CNTNAP2: variants seen among roughly 807,000 people sequenced by gnomAD.
The protein encoded by CNTNAP2 is contactin associated protein 2.
A neutral mutation model predicts 155.2 loss-of-function variants in CNTNAP2; 98 were observed. That is an observed-to-expected ratio of 0.63 (90% CI 0.54 to 0.75). CNTNAP2 has a LOEUF of 0.75. Among genes scored for constraint, CNTNAP2 ranks in the 30% least tolerant of loss-of-function variants. CNTNAP2 has a pLI of 0.00. For missense variants in CNTNAP2, 1,727 were observed against 1,688.1 expected, an observed-to-expected ratio of 1.02 and a Z score of -0.40; for synonymous variants, 651 against 631.2, an observed-to-expected ratio of 1.03 and a Z score of -0.47.
intron 1 of CNTNAP2, among the ~76,000 whole-genome samples, chr7:146,533,107 CAAAAAAAAAAAAAA>C (rs553035616): frequency 2.1e-5 from 1 of 47,836 alleles, no homozygotes; most frequent in Non-Finnish European, 4.0e-5. Flanking sequence ...GACCCTGTCT[CAAAAAAAAAAAAAA>C]AAAAAAAAAA....
chr7:148,198,719 T>C (rs1025366280), intron 18 of CNTNAP2, among the ~76,000 whole-genome samples: 5 of 152,240 alleles, frequency 3.3e-5, no homozygotes, highest in Non-Finnish European at 2.9e-5. Context: ...TAAAGCTTCA[T>C]AGGATATTTG....
intron 1 of CNTNAP2, among the ~76,000 whole-genome samples, chr7:146,343,077 G>T (rs1158201500): frequency 1.3e-5 from 2 of 151,310 alleles, no homozygotes; most frequent in East Asian, 3.9e-4. Flanking sequence ...GGTAAAGAAG[G>T]TTGTTTTTTT....
At chr7:146,257,635 C>T (rs1799859707) in intron 1 of CNTNAP2, among the ~76,000 whole-genome samples, 1 of 152,066 alleles carries the variant, frequency 6.6e-6, no homozygotes, top group Non-Finnish European at 1.5e-5. Context: ...AAGCCCTGGC[C>T]CAATACTTTA....
At chr7:146,868,124 G>A (rs1795240652) in intron 3 of CNTNAP2, among the ~76,000 whole-genome samples, 1 of 152,052 alleles carries the variant, frequency 6.6e-6, no homozygotes, top group Non-Finnish European at 1.5e-5. Context: ...GCATTGCCTA[G>A]GTTGTTGTTT....
intron 3 of CNTNAP2, among the ~76,000 whole-genome samples, chr7:146,868,145 A>G (rs1317299661): frequency 1.3e-5 from 2 of 152,018 alleles, no homozygotes; most frequent in Non-Finnish European, 2.9e-5. Flanking sequence ...AGGTGTTTAT[A>G]GTTTTGGATT....
At chr7:147,680,012 A>G (rs896021726) in intron 13 of CNTNAP2, among the ~76,000 whole-genome samples, 6 of 151,442 alleles carry the variant, frequency 4.0e-5, no homozygotes, top group Non-Finnish European at 5.9e-5. Flanking sequence ...TCCAAATTTC[A>G]TCCATTCCTT....
At chr7:146,682,933 T>A (rs1259887134) in intron 1 of CNTNAP2, among the ~76,000 whole-genome samples, 1 of 152,250 alleles carries the variant, frequency 6.6e-6, no homozygotes, top group African/African-American at 2.4e-5. Flanking sequence ...TCAGTTATTA[T>A]GAATACATAC....
chr7:147,985,357 A>C (rs1291680341), intron 15 of CNTNAP2, among the ~76,000 whole-genome samples: 1 of 145,142 alleles, frequency 6.9e-6, no homozygotes, highest in Admixed American at 6.9e-5. Flanking sequence ...ATCAATATGT[A>C]TGCCTTTTCT....
chr7:146,632,625 A>G (rs117473393), intron 1 of CNTNAP2, among the ~76,000 whole-genome samples: 3,420 of 152,246 alleles, frequency 0.022, 47 homozygotes, highest in Middle Eastern at 0.041. Flanking sequence ...GTTCTTAACC[A>G]TAACGTAGAG....
At chr7:147,715,417 T>A (rs1032919285) in intron 13 of CNTNAP2, among the ~76,000 whole-genome samples, 1 of 152,118 alleles carries the variant, frequency 6.6e-6, no homozygotes, top group South Asian at 2.1e-4. Flanking sequence ...TCCATTTTAA[T>A]TTCTCTGATG....
chr7:147,046,963 T>C (rs1186827632), intron 4 of CNTNAP2, among the ~76,000 whole-genome samples: 11 of 125,766 alleles, frequency 8.7e-5, no homozygotes, highest in South Asian at 2.7e-4. Flanking sequence ...ACCCGGGAGG[T>C]GGAGCTTGCA....
chr7:146,370,122 A>C (rs919907248), intron 1 of CNTNAP2, among the ~76,000 whole-genome samples: 1 of 151,894 alleles, frequency 6.6e-6, no homozygotes, highest in Non-Finnish European at 1.5e-5. Context: ...ATGATTAAAA[A>C]AAAAAAGTTT....
At chr7:147,276,111 G>A (rs1804889830) in intron 8 of CNTNAP2, among the ~76,000 whole-genome samples, 1 of 151,854 alleles carries the variant, frequency 6.6e-6, no homozygotes, top group Admixed American at 6.6e-5. Flanking sequence ...CAATATCCCA[G>A]CATCAGGGAT....
intron 3 of CNTNAP2, among the ~76,000 whole-genome samples, chr7:147,008,601 C>T (rs997799431): frequency 2.6e-5 from 4 of 151,978 alleles, no homozygotes; most frequent in African/African-American, 4.8e-5. Context: ...TGCATACACA[C>T]GTAAGTACGC....
At chr7:148,132,690 C>T (rs577743419) in intron 16 of CNTNAP2, among the ~76,000 whole-genome samples, 4 of 152,226 alleles carry the variant, frequency 2.6e-5, no homozygotes, top group Non-Finnish European at 5.9e-5. Flanking sequence ...TTGAGCATGA[C>T]AAACTTCTCC....
At chr7:148,135,047 T>C (rs528341073) in intron 16 of CNTNAP2, among the ~76,000 whole-genome samples, 21 of 151,666 alleles carry the variant, frequency 1.4e-4, no homozygotes, top group African/African-American at 4.8e-4. Flanking sequence ...CATAACAATA[T>C]TTTTTTTTCA....
chr7:147,336,927 A>G (rs796641811), intron 9 of CNTNAP2, among the ~76,000 whole-genome samples: 1 of 152,258 alleles, frequency 6.6e-6, no homozygotes, highest in African/African-American at 2.4e-5. Flanking sequence ...GAATTTTATA[A>G]TTAAGGGCCA....
rs185782837 is a variant in CNTNAP2, at chr7:146,638,603, G to A, written c.98-135668G>A. On this transcript the variant is annotated intron_variant, in intron 1 of 23. Coordinates refer to ENST00000361727, the MANE Select transcript of CNTNAP2 (RefSeq NM_014141.6). ...GGGTTCACGCCATTCTCCTGCCTCA[G>A]CCTCCCGAGTAGCTGGGACTACAGG... is the stretch of plus-strand genomic sequence containing the variant. Among the ~76,000 whole-genome samples, 1,002 of 148,450 alleles carry A rather than the reference G, an allele frequency of 6.7e-3. 6 individuals carry two copies. The highest frequency in any genetic ancestry group is 0.011 in the Admixed American group (160 of 14,646).
intron 13 of CNTNAP2, among the ~76,000 whole-genome samples, chr7:147,861,387 G>C (rs577201719): frequency 7.2e-5 from 11 of 152,218 alleles, no homozygotes; most frequent in Non-Finnish European, 1.5e-4. Context: ...TAACACAAAG[G>C]ACAGAGAAAT....
Sources: gnomAD v4.1 joint callset for allele counts (sites outside exome capture counted in the v4.1 genomes callset) on GRCh38, gnomAD v4.1.1 for gene constraint, MANE v1.5 for transcripts, NCBI Gene and HGNC (gene_info 2026-07-23, HGNC 2026-07-21) for gene names.